Variants in STX8 observed in about 807,000 individuals in gnomAD.
STX8 encodes syntaxin-8.
In STX8, 23 loss-of-function variants were observed where a neutral mutation model predicts 37.5. The observed-to-expected ratio is 0.61, with a 90% CI of 0.44 to 0.87. The LOEUF is 0.87. Ranked by LOEUF, STX8 falls within the 40% of genes least tolerant of loss-of-function variation. The pLI is 0.00. For synonymous variants in STX8, 115 were observed against 99.1 expected (o/e 1.16, Z -0.95); for missense variants, 313 against 284.7 (o/e 1.10, Z -0.71).
chr17:9,563,759 C>T (rs1195491543), intron 2 of STX8, among the ~76,000 whole-genome samples: 1 of 151,784 alleles, frequency 6.6e-6, no homozygotes, highest in South Asian at 2.1e-4. Context: ...TTGGAAAAAG[C>T]AACTCCTGAA....
At chr17:9,537,107 G>T (rs1357672516) in intron 4 of STX8, among the ~76,000 whole-genome samples, 1 of 152,198 alleles carries the variant, frequency 6.6e-6, no homozygotes, top group African/African-American at 2.4e-5. Context: ...AGCCCACCTT[G>T]CGTGGCTTCA....
At chr17:9,438,694 C>T (rs1008843471) in intron 6 of STX8, among the ~76,000 whole-genome samples, 12 of 152,060 alleles carry the variant, frequency 7.9e-5, no homozygotes, top group African/African-American at 1.4e-4. Flanking sequence ...TTTGGGAGGC[C>T]GAGGCAGGTG....
intron 6 of STX8, among the ~76,000 whole-genome samples, chr17:9,421,466 T>C (rs1010763945): frequency 4.6e-5 from 7 of 150,714 alleles, no homozygotes; most frequent in Non-Finnish European, 8.9e-5. Flanking sequence ...TGCCTTCTCT[T>C]GCTGTAAATA....
intron 7 of STX8, among the ~76,000 whole-genome samples, chr17:9,269,881 A>G (rs1907387746): frequency 6.6e-6 from 1 of 152,172 alleles, no homozygotes; most frequent in Admixed American, 6.5e-5. Flanking sequence ...CTCAGCTTGA[A>G]AACACCCGCT....
intron 7 of STX8, among the ~76,000 whole-genome samples, chr17:9,329,199 G>A (rs553174277): frequency 7.3e-5 from 11 of 150,746 alleles, no homozygotes; most frequent in African/African-American, 1.9e-4. Flanking sequence ...TGGCCATAGC[G>A]AAAACAAAAC....
intron 6 of STX8, among the ~76,000 whole-genome samples, chr17:9,422,376 G>C (rs900559646): frequency 1.3e-5 from 2 of 152,166 alleles, no homozygotes; most frequent in East Asian, 3.9e-4. Flanking sequence ...CAAAGTGCTG[G>C]GATTACAGGT....
chr17:9,406,442 G>A (rs1469520655), intron 6 of STX8, among the ~76,000 whole-genome samples: 1 of 152,188 alleles, frequency 6.6e-6, no homozygotes, highest in Non-Finnish European at 1.5e-5. Context: ...CAGCATCTGA[G>A]CTTGCCTCAA....
intron 2 of STX8, among the ~76,000 whole-genome samples, chr17:9,563,205 A>G (rs8079080): frequency 0.75 from 112,619 of 150,478 alleles, 43,563 homozygotes; most frequent in East Asian, 0.98. Context: ...TTATTGAGAC[A>G]GAGTTTCATT....
intron 7 of STX8, among the ~76,000 whole-genome samples, chr17:9,295,085 G>C (rs1908466941): frequency 6.6e-6 from 1 of 152,210 alleles, no homozygotes; most frequent in African/African-American, 2.4e-5. Flanking sequence ...TTTTGTTATG[G>C]CAGCTTGAGC....
intron 2 of STX8, among the ~76,000 whole-genome samples, chr17:9,566,782 C>T (rs984220107): frequency 5.3e-5 from 8 of 151,056 alleles, no homozygotes; most frequent in Non-Finnish European, 8.8e-5. Flanking sequence ...AGCAAAACTC[C>T]GTCTCGAAAA....
At chr17:9,505,953 A>G (rs1436352067) in intron 4 of STX8, among the ~76,000 whole-genome samples, 1 of 151,886 alleles carries the variant, frequency 6.6e-6, no homozygotes, top group African/African-American at 2.4e-5. Context: ...AAAAAAAAAA[A>G]AAAAAAAGGA....
intron 7 of STX8, among the ~76,000 whole-genome samples, chr17:9,260,578 C>T (rs573229353): frequency 2.0e-5 from 3 of 151,952 alleles, no homozygotes; most frequent in East Asian, 1.9e-4. Context: ...GAGCCGAGAT[C>T]GTGCCACTGC....
intron 7 of STX8, among the ~76,000 whole-genome samples, chr17:9,274,596 A>G (rs1907591752): frequency 6.7e-6 from 1 of 150,062 alleles, no homozygotes; most frequent in South Asian, 2.2e-4. Flanking sequence ...GAATGGTGTG[A>G]ACCCCGGAGG....
chr17:9,409,016 C>A (rs115596215), intron 6 of STX8, among the ~76,000 whole-genome samples: 24 of 152,092 alleles, frequency 1.6e-4, no homozygotes, highest in East Asian at 3.9e-4. Flanking sequence ...CCCTACCCCC[C>A]CTACTGCTCA....
At chr17:9,518,863 C>T (rs948155379) in intron 4 of STX8, among the ~76,000 whole-genome samples, 18 of 138,216 alleles carry the variant, frequency 1.3e-4, no homozygotes, top group African/African-American at 3.8e-4. Context: ...AGCGAGACTC[C>T]GTCTCAAAAA....
At chr17:9,271,469 C>T (rs1189321602) in intron 7 of STX8, among the ~76,000 whole-genome samples, 3 of 148,832 alleles carry the variant, frequency 2.0e-5, no homozygotes, top group African/African-American at 5.0e-5. Context: ...GAAAGAAATG[C>T]GGCCGGGCGT....
intron 6 of STX8, among the ~76,000 whole-genome samples, chr17:9,382,664 T>G (rs1314384428): frequency 6.6e-6 from 1 of 152,214 alleles, no homozygotes; most frequent in Non-Finnish European, 1.5e-5. Context: ...ATGAGAAAGG[T>G]GGCAAAGCTA....
intron 6 of STX8, among the ~76,000 whole-genome samples, chr17:9,471,030 G>GTTTT (rs1567574843): frequency 2.8e-5 from 1 of 35,534 alleles, no homozygotes; most frequent in African/African-American, 1.0e-4. Context: ...ACTGCATCCT[G>GTTTT]CTTTTTTTTT....
intron 6 of STX8, among the ~76,000 whole-genome samples, chr17:9,486,257 G>C (rs1160520103): frequency 6.6e-6 from 1 of 152,188 alleles, no homozygotes; most frequent in Non-Finnish European, 1.5e-5. Flanking sequence ...AGATTCCAGG[G>C]ATAGGATAGA....
Sources: gnomAD v4.1 joint callset for allele counts (sites outside exome capture counted in the v4.1 genomes callset) on GRCh38, gnomAD v4.1.1 for gene constraint, MANE v1.5 for transcripts, NCBI Gene and HGNC (gene_info 2026-07-23, HGNC 2026-07-21) for gene names.